Variants in ATAD5 observed in about 807,000 individuals in gnomAD.
ATAD5 encodes ATPase family AAA domain-containing protein 5.
Under a neutral mutation model 176.9 loss-of-function variants are expected in ATAD5, and 58 were observed. The ratio of observed to expected loss-of-function variants is 0.33; its 90% CI spans 0.27 to 0.41. The LOEUF is 0.41. Among genes scored for constraint, ATAD5 ranks in the 10% least tolerant of loss-of-function variants. The probability of loss-of-function intolerance (pLI) is 1.00; values close to 1 mark genes in which losing one functional copy is unlikely to be tolerated. For synonymous variants in ATAD5, 640 were observed against 712.6 expected (o/e 0.90, Z 1.62); for missense variants, 1,789 against 2,094.1 (o/e 0.85, Z 2.84).
In ATAD5 at chr17:30,878,012, AT is replaced by A; in HGVS notation, c.3933del (p.Phe1311LeufsTer8). 6.2e-7 allele frequency: 1 copy of A among 1,608,432 alleles called. No individual in the cohort carries two copies. The highest frequency in any genetic ancestry group is 8.5e-7 in the Non-Finnish European group (1 of 1,176,106). On this transcript the variant is annotated frameshift_variant, in exon 17 of 23. Coordinates refer to ENST00000321990, the MANE Select transcript of ATAD5 (RefSeq NM_024857.5). LOFTEE classifies it high-confidence loss of function. ...TTCTAATAAACTGTAGGTTGATGTA[AT>A]TTTTGATGAAGATGCTGGGTTTTTG... ...SLILFEEVDVIFDEDAGFLNA... is the reference protein window; with the variant it reads ...SLILFEEVDVXFDEDAGFLNA...
At chr17:30,883,926 T>C (rs1219209696) in intron 18 of ATAD5, among the ~76,000 whole-genome samples, 1 of 152,184 alleles carries the variant, frequency 6.6e-6, no homozygotes, top group African/African-American at 2.4e-5. Flanking sequence ...TGGCTTGGTT[T>C]TTAAAATTTT....
intron 6 of ATAD5, among the ~76,000 whole-genome samples, chr17:30,852,128 A>G (rs1404793852): frequency 6.6e-6 from 1 of 152,132 alleles, no homozygotes; most frequent in East Asian, 1.9e-4. Context: ...CTGCTATAAG[A>G]GCTTTTTTGT....
Position 30,832,064 on chromosome 17 carries a change from G to T in ATAD5, c.-284G>T, listed in dbSNP as rs1009887890. ...TTGCTTTCCCTGCCCGGTCCCGAGC[G>T]CTCAGCCTGAAGCGCCGCTTTCGAG... On this transcript the variant is annotated 5_prime_UTR_variant, in exon 1 of 23. Coordinates refer to ENST00000321990, the MANE Select transcript of ATAD5 (RefSeq NM_024857.5). 1 of 380,692 alleles carries T rather than the reference G, an allele frequency of 2.6e-6. No individual in the cohort carries two copies. The highest frequency in any genetic ancestry group is 4.5e-5 in the Admixed American group (1 of 22,104). 23.6% of individuals were successfully genotyped at this position (380,692 alleles called of 1,614,324 possible). A position where few individuals can be genotyped will look rare whatever the true frequency, so the allele number is the denominator to read the frequency against.
chr17:30,878,723 T>TTTTTTTTG (rs1908821238), intron 17 of ATAD5, among the ~76,000 whole-genome samples: 1 of 82,550 alleles, frequency 1.2e-5, no homozygotes, highest in African/African-American at 5.9e-5. Flanking sequence ...GTGGTGTTTT[T>TTTTTTTTG]TTTTTTTTTT....
chr17:30,867,120 G>GC (rs1908044025), intron 11 of ATAD5, among the ~76,000 whole-genome samples: 1 of 151,386 alleles, frequency 6.6e-6, no homozygotes, highest in Non-Finnish European at 1.5e-5. Context: ...ACTGTGAGCA[G>GC]TGGGTACAGT....
In ATAD5 at chr17:30,860,316, A is replaced by G. The variant is rs939337623; in HGVS notation, c.2957-117A>G. On this transcript the variant is annotated intron_variant, in intron 9 of 22. Coordinates refer to ENST00000321990, the MANE Select transcript of ATAD5 (RefSeq NM_024857.5). ...TGGGATTAGAGGCCTGAGCCACTGC[A>G]CCTGGATTGCCTTTGCATTTTAAAG... The G allele has an allele frequency of 1.3e-5, 16 of 1,196,334 alleles. No individual in the cohort carries two copies. The African/African-American group carries it at 2.4e-4, about 18-fold the overall frequency. The allele number at this position is 1,196,334 out of a possible 1,614,324, so 74.1% of individuals were successfully genotyped here.
chr17:30,844,119 G>A, intron 5 of ATAD5, 80 bp downstream of exon 5: 1 of 1,149,170 alleles, frequency 8.7e-7, no homozygotes. Flanking sequence ...GTGTTCTGGG[G>A]TATTTATTTA....
chr17:30,846,709 G>T (rs1471054620), intron 6 of ATAD5, among the ~76,000 whole-genome samples: 1 of 149,046 alleles, frequency 6.7e-6, no homozygotes, highest in Admixed American at 6.7e-5. Context: ...CCAACAGTTT[G>T]AATTTTTCTC....
rs755474549 is a variant in ATAD5 at position 30,834,701 on chromosome 17, A to T, written c.620A>T (p.Lys207Ile). The change falls in exon 2 of 23, where the codon AAA becomes ATA. Residue 207 changes from lysine (K) to isoleucine (I), a missense_variant. Lys to Ile is a moderately radical substitution (Grantham distance 102, BLOSUM62 -3). This residue lies in a region of ATAD5 where 696 missense variants were observed against 712.5 expected (regional missense o/e 0.98). Transcript: ENST00000321990. The part of the protein sequence containing the change: ...TTKNDFKKLR[K>I]RKCRDVVDLS... Reference sequence around the variant, plus strand: ...AAAAATGACTTCAAAAAGTTGAGAAAAAGGAAATGCAGAGATGTAGTAGAT... The same window carrying T: ...AAAAATGACTTCAAAAAGTTGAGAATAAGGAAATGCAGAGATGTAGTAGAT... The T allele has an allele frequency of 6.8e-6, 11 of 1,609,754 alleles. No homozygotes were observed. In the East Asian group the frequency reaches 2.5e-4, roughly 36 times the overall value.
At chr17:30,880,876 A>G (rs1460545368) in intron 18 of ATAD5, among the ~76,000 whole-genome samples, 1 of 152,098 alleles carries the variant, frequency 6.6e-6, no homozygotes, top group Non-Finnish European at 1.5e-5. Context: ...CATATAACAT[A>G]TGTAAAAATC....
chr17:30,881,908 G>GT (rs1909037871), intron 18 of ATAD5, among the ~76,000 whole-genome samples: 1 of 144,964 alleles, frequency 6.9e-6, no homozygotes, highest in African/African-American at 2.8e-5. Flanking sequence ...GCAAGACCCT[G>GT]TCCCCCCCCC....
intron 18 of ATAD5, among the ~76,000 whole-genome samples, chr17:30,881,611 A>G (rs1237474463): frequency 6.6e-6 from 1 of 151,746 alleles, no homozygotes; most frequent in Non-Finnish European, 1.5e-5. Flanking sequence ...CCCTGTTCTT[A>G]CTTTTAAATT....
chr17:30,890,604 G>A (rs1040644256), intron 19 of ATAD5, among the ~76,000 whole-genome samples: 6 of 151,184 alleles, frequency 4.0e-5, no homozygotes, highest in Admixed American at 6.6e-5. Context: ...TGCATTTTTA[G>A]TAGAGACAGG....
chr17:30,869,423 G>A (rs757142984), intron 13 of ATAD5, 33 bp downstream of exon 13: 15 of 1,609,068 alleles, frequency 9.3e-6, no homozygotes, highest in Non-Finnish European at 1.2e-5. Context: ...GAATGTTAAT[G>A]TAATAATTAC....
At chr17:30,836,953 C>T (rs531585872) in intron 2 of ATAD5, among the ~76,000 whole-genome samples, 1 of 152,106 alleles carries the variant, frequency 6.6e-6, no homozygotes, top group East Asian at 1.9e-4. Flanking sequence ...AAATTGGAGC[C>T]CTAGTTGGTT....
intron 21 of ATAD5, 120 bp downstream of exon 21, chr17:30,894,270 A>ATAAT: frequency 3.4e-6 from 3 of 894,768 alleles, no homozygotes; most frequent in Non-Finnish European, 4.8e-6. Context: ...CTTAACATTA[A>ATAAT]TAATGTAGCT....
In ATAD5 at chr17:30,835,730, T is replaced by C; in HGVS notation, c.1649T>C (p.Leu550Pro). ...GAAGATATAGCAAATGATGACCTTC[T>C]AAAGGTTTCCTCTCTGTGTAACAAT... ...VYEDIANDDLLKVSSLCNNNK... is the reference protein window; with the variant it reads ...VYEDIANDDLPKVSSLCNNNK... The change falls in exon 2 of 23, where the codon CTA (leucine) becomes CCA (proline). Residue 550 changes from leucine (L) to proline (P), a missense_variant. Physicochemically the swap from Leu to Pro is moderately conservative, Grantham distance 98. Coordinates refer to ENST00000321990, the MANE Select transcript of ATAD5 (RefSeq NM_024857.5). 6.2e-7 allele frequency: 1 copy of C among 1,612,158 alleles called. No homozygotes were observed. The highest frequency in any genetic ancestry group is 8.5e-7 in the Non-Finnish European group (1 of 1,179,510).
At chr17:30,878,188 C>A in intron 17 of ATAD5, 92 bp downstream of exon 17, 1 of 852,430 alleles carries the variant, frequency 1.2e-6, no homozygotes, top group Non-Finnish European at 1.8e-6. Flanking sequence ...TCACAAATAG[C>A]AATTACTTTT....
intron 6 of ATAD5, among the ~76,000 whole-genome samples, chr17:30,854,369 A>ATTTTTT (rs11445925): frequency 3.3e-5 from 4 of 121,008 alleles, no homozygotes; most frequent in East Asian, 2.3e-4. Context: ...ATTAATTTAA[A>ATTTTTT]TTTTTTTTTT....
Sources: allele counts gnomAD v4.1 joint callset (sites outside exome capture counted in the v4.1 genomes callset), GRCh38; gene constraint gnomAD v4.1.1; regional missense constraint gnomAD v4.1.1; transcripts MANE v1.5; gene names NCBI Gene and HGNC (gene_info 2026-07-23, HGNC 2026-07-21).